The following IQCK variants were observed in gnomAD, a reference collection of about 807,000 sequenced individuals.
IQCK encodes the protein IQ motif containing K.
IQCK carries 29 observed loss-of-function variants against 28.1 expected under a neutral mutation model. That is an observed-to-expected ratio of 1.03 (90% confidence interval 0.77 to 1.41). The LOEUF (loss-of-function observed/expected upper bound fraction) is 1.41. IQCK is among the 40% of genes most tolerant of loss of function. IQCK has a pLI of 0.00. For missense variants in IQCK, 359 were observed against 314.7 expected (o/e 1.14, Z -1.07); for synonymous variants, 113 against 115.1 (o/e 0.98, Z 0.12).
chr16:19,827,269 G>T, downstream of IQCK: 1 of 641,572 alleles, frequency 1.6e-6, no homozygotes, highest in Non-Finnish European at 2.8e-6. Context: ...CATGGGGGAA[G>T]TGGCTGCATA....
chr16:19,750,562 A>G (rs1461137438), intron 4 of IQCK, among the ~76,000 whole-genome samples: 2 of 151,890 alleles, frequency 1.3e-5, no homozygotes, highest in Admixed American at 6.6e-5. Flanking sequence ...CCCGGATTCA[A>G]GCAACTCTCC....
At chr16:19,803,901 G>A (rs193192791) in intron 7 of IQCK, among the ~76,000 whole-genome samples, 20 of 152,216 alleles carry the variant, frequency 1.3e-4, no homozygotes, top group African/African-American at 4.6e-4. Context: ...TCTCACCTTG[G>A]CCCCCCAAAG....
At chr16:19,830,014 C>CGAAT (rs36097422), downstream of IQCK, among the ~76,000 whole-genome samples, 8,201 of 151,448 alleles carry the variant, frequency 0.054, 251 homozygotes, top group Middle Eastern at 0.082. Flanking sequence ...ATCAGTTGAA[C>CGAAT]GAATGAATGA....
At chr16:19,733,698 G>T in exon 3 of IQCK, 6 of 1,613,878 alleles carry the variant, frequency 3.7e-6, no homozygotes, top group Non-Finnish European at 4.2e-6. Context: ...CTGCCTCCAG[G>T]TTGCGCCAGT....
downstream of IQCK, among the ~76,000 whole-genome samples, chr16:19,828,474 G>A (rs2141093599): frequency 6.7e-6 from 1 of 149,662 alleles, no homozygotes; most frequent in Middle Eastern, 3.6e-3. Flanking sequence ...CTGACCTCAG[G>A]TGATCTGCCC....
At chr16:19,729,521 A>C (rs1331735945) in intron 1 of IQCK, among the ~76,000 whole-genome samples, 1 of 151,958 alleles carries the variant, frequency 6.6e-6, no homozygotes, top group Non-Finnish European at 1.5e-5. Flanking sequence ...ATGTTGGCAA[A>C]AGCTGAAGTT....
rs185917356 is a variant in IQCK, at chr16:19,769,159, G to T, written c.605+5047G>T. On this transcript the variant is annotated intron_variant, in intron 6 of 7. Coordinates refer to ENST00000564186, the Ensembl canonical transcript of IQCK. Reference sequence around the variant, plus strand: ...TTCAGAGTGAAAGATTTGGGCACAAGAAGGAAGCATGGTACCTTTTATGAC... The same window carrying T: ...TTCAGAGTGAAAGATTTGGGCACAATAAGGAAGCATGGTACCTTTTATGAC... 2.0e-5 allele frequency among the ~76,000 whole-genome samples: 3 copies of T among 152,304 alleles called. No homozygotes were observed. In the East Asian group the frequency reaches 5.8e-4, roughly 29 times the overall value.
At chr16:19,809,915 G>A (rs1445058789) in intron 7 of IQCK, among the ~76,000 whole-genome samples, 1 of 152,182 alleles carries the variant, frequency 6.6e-6, no homozygotes, top group East Asian at 1.9e-4. Context: ...GCTGGCAGAG[G>A]AGTTAAGTGT....
Position 19,857,387 on chromosome 16 carries a change from A to G in IQCK, c.*839A>G. On this transcript the variant is annotated 3_prime_UTR_variant, in exon 10 of 10. Coordinates refer to the IQCK transcript ENST00000320394. ...ATGGTTTACAGCCTTTTAAATTTGT[A>G]ATATTTATATAGTCGTTTATGGTAC... 11 of 420,568 alleles carry G rather than the reference A, an allele frequency of 2.6e-5. 1 individual carries two copies. The highest frequency in any genetic ancestry group is 1.4e-4 in the South Asian group (8 of 57,122). 26.1% of individuals were successfully genotyped at this position (420,568 alleles called of 1,614,324 possible).
intron 7 of IQCK, among the ~76,000 whole-genome samples, chr16:19,812,843 A>T (rs11647196): frequency 1.3e-5 from 2 of 149,822 alleles, no homozygotes; most frequent in Non-Finnish European, 3.0e-5. Flanking sequence ...AGAAAAAGGT[A>T]GGGGGGGAAA....
At chr16:19,819,167 C>T (rs551082688) in intron 7 of IQCK, among the ~76,000 whole-genome samples, 48 of 152,258 alleles carry the variant, frequency 3.2e-4, no homozygotes, top group African/African-American at 1.0e-3. Context: ...GGACCTATCA[C>T]GGTAGCTTTT....
At chr16:19,842,578 G>A (rs1345978128) in intron 9 of IQCK, among the ~76,000 whole-genome samples, 3 of 152,184 alleles carry the variant, frequency 2.0e-5, no homozygotes, top group Non-Finnish European at 4.4e-5. Flanking sequence ...AAATCCGTAT[G>A]TGAAATGTCA....
In IQCK at chr16:19,736,869, C is replaced by T. The variant is rs140572971; in HGVS notation, c.474+1419C>T. ...AATGATTCAAAATGATACTAAAGGC[C>T]GGGCACAGTGGCTCATGCCCATAAT... On this transcript the variant is annotated intron_variant, in intron 4 of 7. Coordinates refer to ENST00000564186, the Ensembl canonical transcript of IQCK. Among the ~76,000 whole-genome samples, 767 of 151,588 alleles carry T rather than the reference C, an allele frequency of 5.1e-3. 6 individuals carry two copies. Among genetic ancestry groups the T allele is most frequent in the African/African-American group, 0.017 (697 of 41,238 alleles).
chr16:19,776,710 A>C (rs1486401818), intron 6 of IQCK, among the ~76,000 whole-genome samples: 1 of 152,186 alleles, frequency 6.6e-6, no homozygotes, highest in Non-Finnish European at 1.5e-5. Context: ...CTCCGTCTCA[A>C]AAACAAACAA....
intron 7 of IQCK, among the ~76,000 whole-genome samples, chr16:19,826,205 A>C (rs6497410): frequency 6.6e-6 from 1 of 152,082 alleles, no homozygotes; most frequent in African/African-American, 2.4e-5. Context: ...ATGACGTCTC[A>C]CTATGTTGCC....
chr16:19,799,032 AG>A (rs1168869042), intron 7 of IQCK, among the ~76,000 whole-genome samples: 2 of 51,570 alleles, frequency 3.9e-5, no homozygotes, highest in African/African-American at 6.9e-4. Context: ...TATAGGCATG[AG>A]CCACCGTGCC....
intron 9 of IQCK, among the ~76,000 whole-genome samples, chr16:19,832,990 A>G (rs892383067): frequency 6.6e-6 from 1 of 152,132 alleles, no homozygotes; most frequent in African/African-American, 2.4e-5. Flanking sequence ...TCAAGATGAA[A>G]TTTGGGTGGG....
At chr16:19,723,567 C>T (rs1977563484) in intron 1 of IQCK, among the ~76,000 whole-genome samples, 1 of 152,116 alleles carries the variant, frequency 6.6e-6, no homozygotes, top group South Asian at 2.1e-4. Flanking sequence ...TCTGTTTTGA[C>T]TCTCAAGTTC....
intron 7 of IQCK, among the ~76,000 whole-genome samples, chr16:19,811,342 A>G (rs567492929): frequency 7.2e-5 from 11 of 152,334 alleles, no homozygotes; most frequent in African/African-American, 1.7e-4. Flanking sequence ...TTAACCCTGT[A>G]AATCATTGGA....
Sources: allele counts gnomAD v4.1 joint callset (sites outside exome capture counted in the v4.1 genomes callset), GRCh38; gene constraint gnomAD v4.1.1; transcripts MANE v1.5; gene names NCBI Gene and HGNC (gene_info 2026-07-23, HGNC 2026-07-21).